Variants in TTLL7 observed in about 807,000 individuals in gnomAD.
TTLL7 encodes the protein tubulin tyrosine ligase like 7.
A neutral mutation model predicts 120.2 loss-of-function variants in TTLL7; 53 were observed. That is an observed-to-expected ratio of 0.44 (90% CI 0.35 to 0.55). The LOEUF is 0.55. Ranked by LOEUF, TTLL7 falls within the 20% of genes least tolerant of loss-of-function variation. The pLI, the probability that TTLL7 is intolerant of heterozygous loss-of-function variation, is 0.00. For missense variants in TTLL7, 803 were observed against 1,054.7 expected, an observed-to-expected ratio of 0.76 and a Z score of 3.31; for synonymous variants, 353 against 351.7, an observed-to-expected ratio of 1.00 and a Z score of -0.04.
At chr1:83,924,244 A>G (rs1658921879) in intron 10 of TTLL7, among the ~76,000 whole-genome samples, 1 of 152,236 alleles carries the variant, frequency 6.6e-6, no homozygotes, top group African/African-American at 2.4e-5. Context: ...GGGGGGAAGT[A>G]TGATGATAGC....
chr1:83,964,843 A>T (rs1048540599), intron 1 of TTLL7, among the ~76,000 whole-genome samples: 4 of 152,162 alleles, frequency 2.6e-5, no homozygotes, highest in Non-Finnish European at 5.9e-5. Flanking sequence ...TAGTTTTATA[A>T]ATTGAATATT....
At chr1:83,880,677 C>T (rs1332682814) in intron 20 of TTLL7, among the ~76,000 whole-genome samples, 1 of 151,626 alleles carries the variant, frequency 6.6e-6, no homozygotes, top group Non-Finnish European at 1.5e-5. Flanking sequence ...AATATTAAAA[C>T]TTAGATTCAA....
At chr1:83,926,468 T>C (rs1344998263) in intron 10 of TTLL7, among the ~76,000 whole-genome samples, 1 of 152,058 alleles carries the variant, frequency 6.6e-6, no homozygotes, top group Admixed American at 6.6e-5. Flanking sequence ...GCTACATACA[T>C]GTCAGACTCA....
At chr1:83,931,850 T>C (rs370103031) in intron 9 of TTLL7, among the ~76,000 whole-genome samples, 13 of 152,294 alleles carry the variant, frequency 8.5e-5, no homozygotes, top group African/African-American at 2.6e-4. Context: ...TTCTACCTTA[T>C]TCCACTTGAT....
Position 83,998,981 on chromosome 1 carries a change from C to A in TTLL7, c.-227G>T. 1 of 439,634 alleles carries A rather than the reference C, an allele frequency of 2.3e-6. No individual in the cohort carries two copies. The highest frequency in any genetic ancestry group is 4.5e-6 in the Non-Finnish European group (1 of 220,958). 27.2% of individuals were successfully genotyped at this position (439,634 alleles called of 1,614,324 possible). A position where few individuals can be genotyped will look rare whatever the true frequency, so the allele number is the denominator to read the frequency against. ...TCCTCGCGTCCCCGCTGCAAGCGGT[C>A]CCCCAGGTGCTCCCGCGCCTCGCAG... is the stretch of plus-strand genomic sequence containing the variant. On this transcript the variant is annotated 5_prime_UTR_variant, in exon 1 of 21. Transcript: ENST00000260505.
At position 83,907,567 on chromosome 1, in the gene TTLL7, T is replaced by C. The variant is rs1411962186; in HGVS notation, c.1881A>G (p.Ile627Met). 6.2e-7 allele frequency: 1 copy of C among 1,613,328 alleles called. No homozygotes were observed. Among genetic ancestry groups the C allele is most frequent in the Middle Eastern group, 1.7e-4 (1 of 6,058 alleles). Residue 627 changes from isoleucine to methionine, a missense_variant, in exon 16 of 21, where the codon ATA becomes ATG. Physicochemically the swap from Ile to Met is conservative, Grantham distance 10 (BLOSUM62 1). This residue lies in a region of TTLL7 where 388 missense variants were observed against 450.4 expected (regional missense o/e 0.86). Coordinates refer to ENST00000260505, the MANE Select transcript of TTLL7 (RefSeq NM_024686.6). Reference protein sequence around the residue: ...DTRPFSAQQMISVSRPTSASR... With the variant: ...DTRPFSAQQMMSVSRPTSASR... ...ATGCAGAAGTTGGCCGTGACACAGA[T>C]ATCATTTGTTGAGCAGAAAATGGGC...
chr1:83,872,512 A>G (rs1032209160), intron 20 of TTLL7, among the ~76,000 whole-genome samples: 2 of 152,248 alleles, frequency 1.3e-5, no homozygotes, highest in African/African-American at 2.4e-5. Flanking sequence ...CCACTATTCC[A>G]TAGTAGTTGA....
rs990204168 is a variant in TTLL7 at position 83,865,101 on chromosome 1, A to C, written c.*4861T>G. ...AATAACTTCACCATACAGATATCACATGCTGGAGCATGACAATGCAACGCT... is the reference window on the plus strand; with the variant it reads ...AATAACTTCACCATACAGATATCACCTGCTGGAGCATGACAATGCAACGCT... On this transcript the variant is annotated 3_prime_UTR_variant, in exon 21 of 21. Coordinates refer to ENST00000260505, the MANE Select transcript of TTLL7 (RefSeq NM_024686.6). 1 of 152,010 alleles carries C rather than the reference A, an allele frequency of 6.6e-6. No homozygotes were observed. The highest frequency in any genetic ancestry group is 2.4e-5 in the African/African-American group (1 of 41,422). The allele number at this position is 152,010 out of a possible 1,614,324, so 9.4% of individuals were successfully genotyped here.
At chr1:83,963,681 C>T (rs1218574909) in intron 1 of TTLL7, among the ~76,000 whole-genome samples, 1 of 152,096 alleles carries the variant, frequency 6.6e-6, no homozygotes, top group Non-Finnish European at 1.5e-5. Context: ...TTTAAAGTGT[C>T]TTTTAATTTA....
chr1:83,978,853 AAT>A (rs910154274), intron 1 of TTLL7, among the ~76,000 whole-genome samples: 12 of 152,208 alleles, frequency 7.9e-5, no homozygotes, highest in African/African-American at 2.9e-4. Flanking sequence ...ACAATTTCAA[AAT>A]AGTTATGGAG....
rs1438719487 is a variant in TTLL7 at position 83,866,623 on chromosome 1, G to T, written c.*3339C>A. On this transcript the variant is annotated 3_prime_UTR_variant, in exon 21 of 21. Coordinates refer to ENST00000260505, the MANE Select transcript of TTLL7 (RefSeq NM_024686.6). ...TATGATAAAATTTGTATAGATCTTT[G>T]CATCTTACCGACAACCAAGGACATT... The T allele has an allele frequency of 1.3e-5, 2 of 151,860 alleles. No individual in the cohort carries two copies. The highest frequency in any genetic ancestry group is 3.9e-4 in the East Asian group (2 of 5,166). 9.4% of individuals were successfully genotyped at this position (151,860 alleles called of 1,614,324 possible).
Position 83,882,776 on chromosome 1 carries a change from C to T in TTLL7, c.2543+187G>A. ...CACCTTTAGGTTCGTGATTGCTGTC[C>T]TTGTTCAGTCCCTTAAAGGTAAATA... On this transcript the variant is annotated intron_variant, in intron 20 of 20. Coordinates refer to ENST00000260505, the MANE Select transcript of TTLL7 (RefSeq NM_024686.6). 4 of 548,468 alleles carry T rather than the reference C, an allele frequency of 7.3e-6. No individual in the cohort carries two copies. The South Asian group carries it at 1.1e-4, about 15-fold the overall frequency. 34.0% of individuals were successfully genotyped at this position (548,468 alleles called of 1,614,324 possible). A position where few individuals can be genotyped will look rare whatever the true frequency, so the allele number is the denominator to read the frequency against.
At chr1:83,870,290 G>A (rs989095699) in intron 20 of TTLL7, among the ~76,000 whole-genome samples, 2 of 152,156 alleles carry the variant, frequency 1.3e-5, no homozygotes, top group African/African-American at 4.8e-5. Context: ...AGCATCCCAA[G>A]ACATCCCATA....
Position 83,881,512 on chromosome 1 carries a change from G to T in TTLL7, c.2543+1451C>A, listed in dbSNP as rs571308896. 8.2e-4 allele frequency among the ~76,000 whole-genome samples: 125 copies of T among 152,292 alleles called. 1 individual carries two copies. Among genetic ancestry groups the T allele is most frequent in the African/African-American group, 2.9e-3 (122 of 41,566 alleles). ...ATGCTCACCATCACTGGCCATCAGA[G>T]AAATACAAATCAAAACCACAATGAG... On this transcript the variant is annotated intron_variant, in intron 20 of 20. Coordinates refer to ENST00000260505, the MANE Select transcript of TTLL7 (RefSeq NM_024686.6).
chr1:83,898,163 C>T (rs1557584626), intron 18 of TTLL7, among the ~76,000 whole-genome samples: 1 of 151,846 alleles, frequency 6.6e-6, no homozygotes, highest in Non-Finnish European at 1.5e-5. Context: ...AACTGATAGC[C>T]AAATAAATGA....
intron 10 of TTLL7, among the ~76,000 whole-genome samples, chr1:83,925,346 G>C (rs1230169224): frequency 1.3e-5 from 2 of 152,094 alleles, no homozygotes; most frequent in African/African-American, 2.4e-5. Context: ...CACATCATCA[G>C]ACAAGTCATC....
At chr1:83,992,791 C>CTTTTTT (rs367737528) in intron 1 of TTLL7, among the ~76,000 whole-genome samples, 13 of 101,532 alleles carry the variant, frequency 1.3e-4, no homozygotes, top group South Asian at 3.7e-4. Context: ...TATTCAAGTT[C>CTTTTTT]TTTTTTTTTT....
intron 1 of TTLL7, among the ~76,000 whole-genome samples, chr1:83,985,658 TG>T (rs1652374893): frequency 1.4e-4 from 21 of 151,978 alleles, no homozygotes; most frequent in Admixed American, 1.2e-3. Context: ...GAGACCAACC[TG>T]GGCAACATAG....
chr1:83,991,423 A>C (rs1399606659), intron 1 of TTLL7, among the ~76,000 whole-genome samples: 1 of 152,134 alleles, frequency 6.6e-6, no homozygotes, highest in Non-Finnish European at 1.5e-5. Context: ...AGGCTGGTGG[A>C]CCACTTGAGC....
Sources: gnomAD v4.1 joint callset for allele counts (sites outside exome capture counted in the v4.1 genomes callset) on GRCh38, gnomAD v4.1.1 for gene constraint, gnomAD v4.1.1 regional missense constraint, MANE v1.5 for transcripts, NCBI Gene and HGNC (gene_info 2026-07-23, HGNC 2026-07-21) for gene names.